Variants in PBX3 observed in about 807,000 individuals in gnomAD.
PBX3 encodes the protein pre-B-cell leukemia transcription factor 3.
In PBX3, 14 loss-of-function variants were observed where a neutral mutation model predicts 48.5. That is an observed-to-expected ratio of 0.29 (90% confidence interval 0.19 to 0.45). PBX3 has a LOEUF of 0.45. Ranked by LOEUF, PBX3 falls within the 20% of genes least tolerant of loss-of-function variation. The probability of loss-of-function intolerance (pLI) is 1.00; values close to 1 mark genes in which losing one functional copy is unlikely to be tolerated. For missense variants in PBX3, 386 were observed against 546.7 expected, an observed-to-expected ratio of 0.71 and a Z score of 2.93; for synonymous variants, 210 against 200.3, an observed-to-expected ratio of 1.05 and a Z score of -0.41.
chr9:125,907,213 A>G lies in PBX3; in HGVS notation c.275-8473A>G, dbSNP rs117137066. On this transcript the variant is annotated intron_variant, in intron 2 of 8. Coordinates refer to ENST00000373489, the MANE Select transcript of PBX3 (RefSeq NM_006195.6). ...ATGGCTAAAAGCAATAAAACTATATACCATTAAAATATGTTGCAAAATAAT... is the reference window on the plus strand; with the variant it reads ...ATGGCTAAAAGCAATAAAACTATATGCCATTAAAATATGTTGCAAAATAAT... Among the ~76,000 whole-genome samples, 1,324 of 152,158 alleles carry G rather than the reference A, an allele frequency of 8.7e-3. 13 individuals carry two copies. Among genetic ancestry groups the G allele is most frequent in the South Asian group, 0.014 (66 of 4,824 alleles).
At chr9:125,963,513 G>A (rs1369777560) in intron 8 of PBX3, among the ~76,000 whole-genome samples, 1 of 152,156 alleles carries the variant, frequency 6.6e-6, no homozygotes. Flanking sequence ...ACAAATAATT[G>A]TGTTATTAAA....
intron 2 of PBX3, among the ~76,000 whole-genome samples, chr9:125,853,323 G>A (rs1839632679): frequency 6.6e-6 from 1 of 152,076 alleles, no homozygotes; most frequent in Non-Finnish European, 1.5e-5. Flanking sequence ...CTTTTTCTAG[G>A]AACGGTTGCC....
chr9:125,963,137 T>C (rs1209716706), intron 8 of PBX3, 36 bp downstream of exon 8: 1 of 1,193,588 alleles, frequency 8.4e-7, no homozygotes, highest in Admixed American at 1.8e-5. Context: ...AGGAGAACAG[T>C]GTCAGGTAAA....
At chr9:125,943,213 G>A (rs750278723) in intron 5 of PBX3, among the ~76,000 whole-genome samples, 3 of 151,638 alleles carry the variant, frequency 2.0e-5, no homozygotes, top group Admixed American at 6.6e-5. Context: ...AAAATTAGCC[G>A]GGCGTGGTGG....
chr9:125,909,209 G>A (rs1434525567), intron 2 of PBX3, among the ~76,000 whole-genome samples: 1 of 152,076 alleles, frequency 6.6e-6, no homozygotes, highest in Non-Finnish European at 1.5e-5. Context: ...CTTGTCTCTT[G>A]AGGCAGGATC....
At position 125,963,037 on chromosome 9, in the gene PBX3, A is replaced by G. The variant is rs1428320651; in HGVS notation, c.1148A>G (p.Asn383Ser). 9 of 1,608,910 alleles carry G rather than the reference A, an allele frequency of 5.6e-6. No individual in the cohort carries two copies. Among genetic ancestry groups the G allele is most frequent in the South Asian group, 3.3e-5 (3 of 90,456 alleles). ...GTGGATACCCTCCGTCATGTTATCA[A>G]TCAGACGGGAGGCTACAGTGATGGC... Reference protein sequence around the residue: ...SQVDTLRHVINQTGGYSDGLG... With the variant: ...SQVDTLRHVISQTGGYSDGLG... Residue 383 changes from asparagine (N) to serine (S), a missense_variant, in exon 8 of 9, where the codon AAT (asparagine) becomes AGT (serine). By Grantham distance (46) the Asn-to-Ser change is conservative. Around this residue, in one of 4 missense-constraint regions of PBX3, gnomAD observed 127 missense variants for 143.3 expected, o/e 0.89. Transcript: ENST00000373489.
chr9:125,777,068 G>A (rs1236926245), intron 2 of PBX3, among the ~76,000 whole-genome samples: 1 of 150,204 alleles, frequency 6.7e-6, no homozygotes, highest in African/African-American at 2.5e-5. Context: ...GCAGTGGTGC[G>A]CTCTTGGCTC....
chr9:125,781,020 C>G, intron 2 of PBX3, among the ~76,000 whole-genome samples: 1 of 123,292 alleles, frequency 8.1e-6, no homozygotes, highest in African/African-American at 3.3e-5. Context: ...GGCAGAGACG[C>G]TCCTCACTTT....
Position 125,936,227 on chromosome 9 carries a change from G to GT in PBX3, c.843+624dup, listed in dbSNP as rs574256396. 7.7e-3 allele frequency among the ~76,000 whole-genome samples: 1,165 copies of GT among 152,262 alleles called. 13 individuals are homozygous for GT. Among genetic ancestry groups the GT allele is most frequent in the African/African-American group, 0.027 (1,125 of 41,548 alleles). ...TCATCTTCTAACAAAAATACATTTA[G>GT]TTTTAGTCAGATAGACTGGTATTTG... On this transcript the variant is annotated intron_variant, in intron 5 of 8. Transcript: ENST00000373489.
In PBX3 at chr9:125,794,311, T is replaced by C. The variant is rs747090333; in HGVS notation, c.274+45688T>C. ...TACTCACACCCCACCTCAGAACTACTGAATCAGAAATTGTATTTTAACAAG... is the reference window on the plus strand; with the variant it reads ...TACTCACACCCCACCTCAGAACTACCGAATCAGAAATTGTATTTTAACAAG... On this transcript the variant is annotated intron_variant, in intron 2 of 8. Transcript: ENST00000373489. Among the ~76,000 whole-genome samples the C allele has an allele frequency of 1.2e-4, 18 of 152,344 alleles. No homozygotes were observed. The South Asian group carries it at 1.2e-3, about 11-fold the overall frequency.
intron 4 of PBX3, among the ~76,000 whole-genome samples, chr9:125,932,635 C>T (rs994316773): frequency 6.6e-6 from 1 of 152,134 alleles, no homozygotes; most frequent in Non-Finnish European, 1.5e-5. Context: ...CTAATTTGAG[C>T]ATTTTAATAA....
At chr9:125,836,534 G>A (rs1359790977) in intron 2 of PBX3, among the ~76,000 whole-genome samples, 1 of 152,158 alleles carries the variant, frequency 6.6e-6, no homozygotes, top group Non-Finnish European at 1.5e-5. Flanking sequence ...GGTGCTAAAA[G>A]GGGTTGGTTA....
intron 2 of PBX3, among the ~76,000 whole-genome samples, chr9:125,833,181 A>G (rs1179716055): frequency 6.6e-6 from 1 of 151,990 alleles, no homozygotes; most frequent in Non-Finnish European, 1.5e-5. Context: ...TATGCTAAGA[A>G]TGTACTGGTA....
chr9:125,893,776 C>G (rs1006057443), intron 2 of PBX3, among the ~76,000 whole-genome samples: 1 of 152,122 alleles, frequency 6.6e-6, no homozygotes, highest in African/African-American at 2.4e-5. Context: ...TGATGTGCAG[C>G]ACACCTGTTA....
chr9:125,829,965 A>G (rs186077704), intron 2 of PBX3, among the ~76,000 whole-genome samples: 3 of 152,312 alleles, frequency 2.0e-5, no homozygotes, highest in African/African-American at 4.8e-5. Context: ...AAGCTGAACA[A>G]TCTTGACATG....
intron 5 of PBX3, among the ~76,000 whole-genome samples, chr9:125,940,700 A>G (rs1413996888): frequency 6.6e-6 from 1 of 152,260 alleles, no homozygotes; most frequent in African/African-American, 2.4e-5. Flanking sequence ...ATGTAACTAC[A>G]TAATGCTAAG....
At chr9:125,946,870 C>A (rs1410540220) in intron 5 of PBX3, among the ~76,000 whole-genome samples, 3 of 152,088 alleles carry the variant, frequency 2.0e-5, no homozygotes, top group Non-Finnish European at 4.4e-5. Flanking sequence ...TGAAGAACAC[C>A]AGTCCCCAAA....
intron 2 of PBX3, among the ~76,000 whole-genome samples, chr9:125,908,537 A>G (rs139419949): frequency 2.3e-4 from 34 of 147,954 alleles, no homozygotes; most frequent in African/African-American, 7.1e-4. Flanking sequence ...ATTGGTTTCT[A>G]TGGAAGTCCA....
chr9:125,821,506 G>A (rs1425806050), intron 2 of PBX3, among the ~76,000 whole-genome samples: 1 of 151,988 alleles, frequency 6.6e-6, no homozygotes, highest in African/African-American at 2.4e-5. Flanking sequence ...TATTAATTGT[G>A]TTATTTTTTA....
Sources: allele counts gnomAD v4.1 joint callset (sites outside exome capture counted in the v4.1 genomes callset), GRCh38; gene constraint gnomAD v4.1.1; regional missense constraint gnomAD v4.1.1; transcripts MANE v1.5; gene names NCBI Gene and HGNC (gene_info 2026-07-23, HGNC 2026-07-21).